NKAIN2: variants seen among roughly 807,000 people sequenced by gnomAD.
NKAIN2 encodes the protein sodium/potassium transporting ATPase interacting 2.
In NKAIN2, 14 loss-of-function variants were observed where a neutral mutation model predicts 32.6. The ratio of observed to expected loss-of-function variants is 0.43; its 90% CI spans 0.28 to 0.67. NKAIN2 has a LOEUF of 0.67. Among genes scored for constraint, NKAIN2 ranks in the 30% least tolerant of loss-of-function variants. The pLI is 0.17. For missense variants in NKAIN2, 198 were observed against 258.3 expected (o/e 0.77, Z 1.60); for synonymous variants, 80 against 87.2 (o/e 0.92, Z 0.46).
At chr6:124,414,503 A>G (rs931404375) in intron 3 of NKAIN2, among the ~76,000 whole-genome samples, 2 of 152,166 alleles carry the variant, frequency 1.3e-5, no homozygotes, top group Non-Finnish European at 2.9e-5. Flanking sequence ...TAGGAGGACA[A>G]TGCTGGCCTC....
At position 123,806,486 on chromosome 6, in the gene NKAIN2, T is replaced by C. The variant is rs538341624; in HGVS notation, c.54+2232T>C. On this transcript the variant is annotated intron_variant, in intron 1 of 6. Transcript: ENST00000368417. ...GCTTTTTGGAAATACGGTATTTGAT[T>C]TTAAATAAAATAATTCTTTTGCAAA... Among the ~76,000 whole-genome samples the C allele has an allele frequency of 3.3e-5, 5 of 152,206 alleles. No individual in the cohort carries two copies. The South Asian group carries it at 1.0e-3, about 31-fold the overall frequency.
intron 3 of NKAIN2, among the ~76,000 whole-genome samples, chr6:124,401,046 G>C (rs1038397888): frequency 2.0e-5 from 3 of 152,038 alleles, no homozygotes; most frequent in African/African-American, 7.2e-5. Context: ...CAATGCATTG[G>C]TCTGTTATTT....
At chr6:124,805,735 C>T (rs576299575) in intron 5 of NKAIN2, among the ~76,000 whole-genome samples, 75 of 152,204 alleles carry the variant, frequency 4.9e-4, no homozygotes, top group African/African-American at 1.6e-3. Context: ...AAGTTAAAAA[C>T]ATTGAAAAAA....
intron 3 of NKAIN2, among the ~76,000 whole-genome samples, chr6:124,558,760 T>C (rs1362117805): frequency 6.6e-5 from 10 of 152,124 alleles, no homozygotes; most frequent in African/African-American, 1.7e-4. Flanking sequence ...CCAGCCTGGC[T>C]AACATGGTGA....
At chr6:124,145,155 G>A (rs111344980) in intron 1 of NKAIN2, among the ~76,000 whole-genome samples, 4 of 152,134 alleles carry the variant, frequency 2.6e-5, no homozygotes, top group African/African-American at 9.7e-5. Flanking sequence ...CACAGAACTG[G>A]ACCTGACATA....
chr6:123,808,232 T>C (rs1012540835), intron 1 of NKAIN2, among the ~76,000 whole-genome samples: 5 of 152,126 alleles, frequency 3.3e-5, no homozygotes, highest in Admixed American at 2.0e-4. Context: ...AGTTTATAAC[T>C]TTATCTGCCA....
At chr6:123,896,840 C>T (rs4897581) in intron 1 of NKAIN2, among the ~76,000 whole-genome samples, 45,011 of 152,046 alleles carry the variant, frequency 0.3, 7,786 homozygotes, top group East Asian at 0.5. Context: ...AAGTTCCCTA[C>T]ATAACTTAGA....
intron 3 of NKAIN2, among the ~76,000 whole-genome samples, chr6:124,631,858 G>C (rs1480419627): frequency 6.6e-6 from 1 of 152,098 alleles, no homozygotes; most frequent in African/African-American, 2.4e-5. Flanking sequence ...CACAGAGTCA[G>C]GATGTAGTTT....
chr6:124,409,864 T>G (rs1219511286), intron 3 of NKAIN2, among the ~76,000 whole-genome samples: 3 of 152,242 alleles, frequency 2.0e-5, no homozygotes, highest in Non-Finnish European at 2.9e-5. Context: ...ATTGCCTCAA[T>G]TTCAGAGCCT....
chr6:124,598,403 A>G (rs1050924224), intron 3 of NKAIN2, among the ~76,000 whole-genome samples: 3 of 152,174 alleles, frequency 2.0e-5, no homozygotes, highest in Non-Finnish European at 2.9e-5. Context: ...CATGAGACCA[A>G]TGGGCTTTGT....
chr6:124,614,590 C>T (rs923196311), intron 3 of NKAIN2, among the ~76,000 whole-genome samples: 1 of 152,148 alleles, frequency 6.6e-6, no homozygotes, highest in African/African-American at 2.4e-5. Flanking sequence ...TTTCCAAAGC[C>T]TTCAATCTCT....
chr6:124,224,040 A>C (rs1242289791), intron 1 of NKAIN2, among the ~76,000 whole-genome samples: 2 of 152,144 alleles, frequency 1.3e-5, no homozygotes, highest in Non-Finnish European at 2.9e-5. Context: ...TTTGTTTTTA[A>C]TTGATATTAC....
At chr6:123,893,246 G>C (rs1429204107) in intron 1 of NKAIN2, among the ~76,000 whole-genome samples, 1 of 152,072 alleles carries the variant, frequency 6.6e-6, no homozygotes, top group African/African-American at 2.4e-5. Flanking sequence ...TGTCACCTAG[G>C]TTGGAGTACA....
At chr6:124,202,677 T>A (rs1790653126) in intron 1 of NKAIN2, among the ~76,000 whole-genome samples, 1 of 151,962 alleles carries the variant, frequency 6.6e-6, no homozygotes, top group African/African-American at 2.4e-5. Context: ...TTCTAAGGAA[T>A]GGTGACAAAC....
intron 1 of NKAIN2, among the ~76,000 whole-genome samples, chr6:124,280,770 CT>C (rs1267022989): frequency 3.3e-5 from 5 of 152,288 alleles, no homozygotes; most frequent in Admixed American, 6.5e-5. Context: ...TATTATAACC[CT>C]TACACTTACT....
intron 4 of NKAIN2, among the ~76,000 whole-genome samples, chr6:124,770,850 A>G (rs1459892409): frequency 6.6e-6 from 1 of 152,118 alleles, no homozygotes; most frequent in Non-Finnish European, 1.5e-5. Context: ...CTTTCCAAGC[A>G]TACACTCTAT....
At chr6:124,315,715 A>G (rs139525615) in intron 2 of NKAIN2, among the ~76,000 whole-genome samples, 1 of 152,286 alleles carries the variant, frequency 6.6e-6, no homozygotes, top group Non-Finnish European at 1.5e-5. Flanking sequence ...TTATCCTGCT[A>G]GGTGTCCTTG....
intron 3 of NKAIN2, among the ~76,000 whole-genome samples, chr6:124,589,527 T>A (rs1781830817): frequency 6.6e-6 from 1 of 152,032 alleles, no homozygotes; most frequent in African/African-American, 2.4e-5. Flanking sequence ...GCTACAAAAA[T>A]AAGACTTCCA....
chr6:124,618,957 G>GT (rs1021068834), intron 3 of NKAIN2, among the ~76,000 whole-genome samples: 2 of 151,796 alleles, frequency 1.3e-5, no homozygotes, highest in Non-Finnish European at 2.9e-5. Flanking sequence ...GTGTAAATGA[G>GT]TTTTTTATAT....
Sources: allele counts gnomAD v4.1 joint callset (sites outside exome capture counted in the v4.1 genomes callset), GRCh38; gene constraint gnomAD v4.1.1; transcripts MANE v1.5; gene names NCBI Gene and HGNC (gene_info 2026-07-23, HGNC 2026-07-21).